The following KIF23 variants were observed in gnomAD, a reference collection of about 807,000 sequenced individuals.
The protein encoded by KIF23 is kinesin-like protein KIF23.
KIF23 carries 30 observed loss-of-function variants against 137.5 expected under a neutral mutation model. The observed-to-expected ratio is 0.22, with a 90% CI of 0.16 to 0.30. The LOEUF (loss-of-function observed/expected upper bound fraction) is 0.30. Among genes scored for constraint, KIF23 ranks in the 10% least tolerant of loss-of-function variants. The pLI is 1.00. For missense variants in KIF23, 920 were observed against 1,194.3 expected (o/e 0.77, Z 3.38); for synonymous variants, 367 against 391.1 (o/e 0.94, Z 0.73).
At chr15:69,438,821 A>G (rs2057543975) in intron 16 of KIF23, among the ~76,000 whole-genome samples, 1 of 151,072 alleles carries the variant, frequency 6.6e-6, no homozygotes, top group Non-Finnish European at 1.5e-5. Context: ...AAGAGTTCTC[A>G]GGCTGAGTGC....
intron 13 of KIF23, 75 bp from the exon 14 acceptor site, chr15:69,436,063 C>G: frequency 6.4e-7 from 1 of 1,551,712 alleles, no homozygotes; most frequent in Non-Finnish European, 8.8e-7. Context: ...AATAAGCAAT[C>G]TTTGCTTCAT....
chr15:69,423,707 G>A (rs2057119190), intron 7 of KIF23, among the ~76,000 whole-genome samples: 1 of 152,122 alleles, frequency 6.6e-6, no homozygotes, highest in South Asian at 2.1e-4. Context: ...CCCGTGTCTT[G>A]GTGATTTCTA....
Position 69,416,017 on chromosome 15 carries a change from C to A in KIF23, c.35C>A (p.Pro12His). ...KSARAKTPRK[P>H]TVKKGSQTNL... Reference sequence around the variant, plus strand: ...AGGAGAGCTAAGACACCCCGGAAACCTACCGTGAAAAAAGGGTCCCAAACG... The same window carrying A: ...AGGAGAGCTAAGACACCCCGGAAACATACCGTGAAAAAAGGGTCCCAAACG... The change falls in exon 2 of 24, where the codon CCT (proline) becomes CAT (histidine). Residue 12 changes from proline (P) to histidine (H), a missense_variant. Around this residue, in one of 4 missense-constraint regions of KIF23, gnomAD observed 124 missense variants for 122.0 expected, o/e 1.02. Transcript: ENST00000679126. The A allele has an allele frequency of 6.3e-7, 1 of 1,578,636 alleles. No individual in the cohort carries two copies. The highest frequency in any genetic ancestry group is 2.0e-5 in the Admixed American group (1 of 49,696).
At chr15:69,445,570 TATTTCA>T (rs2057723191) in intron 20 of KIF23, among the ~76,000 whole-genome samples, 1 of 152,128 alleles carries the variant, frequency 6.6e-6, no homozygotes, top group Admixed American at 6.5e-5. Flanking sequence ...AAAAGCTTTT[TATTTCA>T]ATTTCAATTT....
At chr15:69,433,583 A>G (rs1161012542) in intron 11 of KIF23, among the ~76,000 whole-genome samples, 1 of 152,188 alleles carries the variant, frequency 6.6e-6, no homozygotes, top group Non-Finnish European at 1.5e-5. Flanking sequence ...ATGCCTGATT[A>G]TCTGAGCTGG....
chr15:69,428,980 T>G (rs557225470), intron 10 of KIF23, 131 bp from the exon 11 acceptor site: 13 of 538,040 alleles, frequency 2.4e-5, no homozygotes, highest in African/African-American at 3.9e-5. Context: ...ATAGGTATCC[T>G]TTGCCTGTCC....
Position 69,422,079 on chromosome 15 carries a change from G to A in KIF23, c.404G>A (p.Cys135Tyr). The A allele has an allele frequency of 6.2e-7, 1 of 1,614,118 alleles. No homozygotes were observed. The highest frequency in any genetic ancestry group is 8.5e-7 in the Non-Finnish European group (1 of 1,179,994). ...GGGGAAGGAGGGCTGCTTCCTCGTT[G>A]TTTGGACATGATCTTTAACAGTATA... ...SPGEGGLLPR[C>Y]LDMIFNSIGS... Residue 135 changes from cysteine to tyrosine, a missense_variant, in exon 5 of 24, where the codon TGT becomes TAT. Cys to Tyr is a radical substitution (Grantham distance 194). This residue lies in a region of KIF23 where 714 missense variants were observed against 866.2 expected (regional missense o/e 0.82). Coordinates refer to ENST00000679126, the MANE Select transcript of KIF23 (RefSeq NM_001367805.3).
intron 11 of KIF23, among the ~76,000 whole-genome samples, chr15:69,433,121 C>T (rs1364103809): frequency 6.6e-6 from 1 of 152,152 alleles, no homozygotes; most frequent in Non-Finnish European, 1.5e-5. Context: ...CTGTTAATAA[C>T]ATGAGTTCCT....
intron 11 of KIF23, 120 bp from the exon 12 acceptor site, chr15:69,435,363 T>C: frequency 1.4e-6 from 1 of 732,842 alleles, no homozygotes; most frequent in East Asian, 2.7e-5. Flanking sequence ...CCACAAAAAT[T>C]TGTTATTTAT....
chr15:69,435,108 T>A lies in KIF23; in HGVS notation c.1115-375T>A. On this transcript the variant is annotated intron_variant, in intron 11 of 23. Transcript: ENST00000679126. The stretch of plus-strand genomic sequence containing the variant: ...CAGAAGCGGGACGGTGGCCTGGGGG[T>A]CGCCATGATTCCTGTCAATTGCCTA... 1.3e-5 allele frequency: 6 copies of A among 474,324 alleles called. No homozygotes were observed. In the South Asian group the frequency reaches 2.6e-4, roughly 20 times the overall value. 29.4% of individuals were successfully genotyped at this position (474,324 alleles called of 1,614,324 possible). A position where few individuals can be genotyped will look rare whatever the true frequency, so the allele number is the denominator to read the frequency against.
At chr15:69,421,902 G>C in intron 4 of KIF23, 90 bp from the exon 5 acceptor site, 1 of 1,505,410 alleles carries the variant, frequency 6.6e-7, no homozygotes. Flanking sequence ...TTTTGAGCTG[G>C]CTAATTGTTA....
intron 3 of KIF23, among the ~76,000 whole-genome samples, chr15:69,419,986 C>T (rs2057013503): frequency 2.0e-5 from 3 of 152,204 alleles, no homozygotes; most frequent in South Asian, 4.1e-4. Flanking sequence ...GCATTGCTGC[C>T]GGGCATGATG....
In KIF23 at chr15:69,441,064, G is replaced by A. The variant is rs2057607647; in HGVS notation, c.2406G>A (p.Glu802=). 1.2e-6 allele frequency: 2 copies of A among 1,610,336 alleles called. No individual in the cohort carries two copies. Among genetic ancestry groups the A allele is most frequent in the East Asian group, 2.2e-5 (1 of 44,818 alleles). Residue 802 remains glutamate, a synonymous_variant, in exon 19 of 24, where the codon GAG becomes GAA. Coordinates refer to ENST00000679126, the MANE Select transcript of KIF23 (RefSeq NM_001367805.3). ...TCAGAAATGAGATAGAAATAGAAGAGGATCATTGCGGCAGGGTTAGTGCCA... is the reference window on the plus strand; with the variant it reads ...TCAGAAATGAGATAGAAATAGAAGAAGATCATTGCGGCAGGGTTAGTGCCA... ...PTFRNEIEIE[E]DHCGRLLFQP...
chr15:69,428,683 AAAC>A lies in KIF23; in HGVS notation c.1012-425_1012-423del, dbSNP rs2057272674. ...CCCAAAAAAAAAAAAAAAAAAAAAA[AAAC>A]AAAAGAATTATTTATAGCATTATGA... is the stretch of plus-strand genomic sequence containing the variant. On this transcript the variant is annotated intron_variant, in intron 10 of 23. Coordinates refer to ENST00000679126, the MANE Select transcript of KIF23 (RefSeq NM_001367805.3). 1.4e-4 allele frequency among the ~76,000 whole-genome samples: 21 copies of A among 151,102 alleles called. No individual in the cohort carries two copies. In the South Asian group the frequency reaches 1.7e-3, roughly 12 times the overall value.
At chr15:69,424,752 C>CCCA (rs1376955551) in intron 7 of KIF23, among the ~76,000 whole-genome samples, 2 of 152,310 alleles carry the variant, frequency 1.3e-5, no homozygotes, top group Admixed American at 1.3e-4. Context: ...AAGCAGTCCT[C>CCCA]CCACCTTGGT....
chr15:69,423,186 T>C lies in KIF23; in HGVS notation c.591T>C (p.Asp197=). The change falls in exon 7 of 24, where the codon GAT becomes GAC. Residue 197 remains aspartate (D), a synonymous_variant. Coordinates refer to ENST00000679126, the MANE Select transcript of KIF23 (RefSeq NM_001367805.3). ...GACAAGTAGATCCAGAGTTTGCAGA[T>C]ATGATAACTGTACAAGAATTCTGCA... The part of the protein sequence containing the change: ...SKRQVDPEFA[D]MITVQEFCKA... 2 of 1,600,584 alleles carry C rather than the reference T, an allele frequency of 1.2e-6. No homozygotes were observed. Among genetic ancestry groups the C allele is most frequent in the Non-Finnish European group, 1.7e-6 (2 of 1,172,940 alleles).
chr15:69,443,342 T>G (rs1342207208), intron 19 of KIF23, among the ~76,000 whole-genome samples: 16 of 128,962 alleles, frequency 1.2e-4, no homozygotes, highest in Non-Finnish European at 1.5e-4. Context: ...TTTTTTTTTT[T>G]TTTTTTTTTT....
At chr15:69,435,190 A>G in intron 11 of KIF23, 2 of 472,014 alleles carry the variant, frequency 4.2e-6, no homozygotes. Context: ...ATTCCTTCAG[A>G]GAATTTAGGA....
intron 22 of KIF23, chr15:69,446,584 G>T: frequency 1.6e-6 from 1 of 617,496 alleles, no homozygotes; most frequent in East Asian, 2.7e-5. Context: ...AAGAACATGG[G>T]AAGGTAGGGG....
Sources: gnomAD v4.1 joint callset for allele counts (sites outside exome capture counted in the v4.1 genomes callset) on GRCh38, gnomAD v4.1.1 for gene constraint, gnomAD v4.1.1 regional missense constraint, MANE v1.5 for transcripts, NCBI Gene and HGNC (gene_info 2026-07-23, HGNC 2026-07-21) for gene names.